ABAT: variants seen among roughly 807,000 people sequenced by gnomAD.
The protein encoded by ABAT is 4-aminobutyrate aminotransferase, mitochondrial.
Under a neutral mutation model 64.6 loss-of-function variants are expected in ABAT, and 45 were observed. That is an observed-to-expected ratio of 0.70 (90% confidence interval 0.55 to 0.89). ABAT has a LOEUF of 0.89. ABAT is among the 40% of genes least tolerant of loss of function. The pLI is 0.00. For synonymous variants in ABAT, 297 were observed against 250.5 expected, an observed-to-expected ratio of 1.19 and a Z score of -1.75; for missense variants, 633 against 658.4, an observed-to-expected ratio of 0.96 and a Z score of 0.42.
chr16:8,680,384 T>G (rs1567267953), intron 1 of ABAT, among the ~76,000 whole-genome samples: 1 of 152,198 alleles, frequency 6.6e-6, no homozygotes, highest in Non-Finnish European at 1.5e-5. Flanking sequence ...TGGGGTAAAA[T>G]ACACATAACA....
intron 2 of ABAT, among the ~76,000 whole-genome samples, chr16:8,738,610 G>GTTTTTTTTTTT (rs1481834240): frequency 1.6e-5 from 2 of 122,052 alleles, no homozygotes; most frequent in African/African-American, 7.3e-5. Flanking sequence ...TTTTGTTTTT[G>GTTTTTTTTTTT]TTTTTGTTTT....
At position 8,680,201 on chromosome 16, in the gene ABAT, A is replaced by G. The variant is rs531791404; in HGVS notation, c.-42+5490A>G. ...TCTTCCTGGGTCCATCACATCCTAGATTTCTTGGGTCCATCACTGTTTGCT... is the reference window on the plus strand; with the variant it reads ...TCTTCCTGGGTCCATCACATCCTAGGTTTCTTGGGTCCATCACTGTTTGCT... On this transcript the variant is annotated intron_variant, in intron 1 of 15. Transcript: ENST00000268251. Among the ~76,000 whole-genome samples the G allele has an allele frequency of 4.0e-5, 6 of 151,854 alleles. No homozygotes were observed. In the East Asian group the frequency reaches 1.2e-3, roughly 29 times the overall value.
chr16:8,768,362 T>C, intron 10 of ABAT, 106 bp downstream of exon 10: 2 of 1,020,258 alleles, frequency 2.0e-6, no homozygotes, highest in Non-Finnish European at 2.8e-6. Context: ...GTCCCACTGA[T>C]TGCACACAAT....
chr16:8,698,630 G>A (rs142146957), intron 1 of ABAT, among the ~76,000 whole-genome samples: 3,305 of 151,698 alleles, frequency 0.022, 111 homozygotes, highest in African/African-American at 0.076. Context: ...CACTGCGCCC[G>A]GCCTTCTGGC....
At chr16:8,768,545 C>G (rs757286059) in intron 10 of ABAT, among the ~76,000 whole-genome samples, 11 of 152,178 alleles carry the variant, frequency 7.2e-5, no homozygotes, top group South Asian at 2.1e-4. Flanking sequence ...CACATACCCA[C>G]GCACGCATGC....
chr16:8,775,482 G>A (rs923051850), intron 13 of ABAT, among the ~76,000 whole-genome samples: 12 of 152,158 alleles, frequency 7.9e-5, no homozygotes, highest in African/African-American at 2.9e-4. Flanking sequence ...CACACAGCCT[G>A]TTAAGTGACA....
rs1347561687 is a variant in ABAT at position 8,764,996 on chromosome 16, C to T, written c.540+166C>T. ...TGCTGGATGGTACTTTGAGACGGCA[C>T]AGTGGGGTATGGTGCAGAGGGCTGA... is the stretch of plus-strand genomic sequence containing the variant. On this transcript the variant is annotated intron_variant, in intron 8 of 15. Coordinates refer to ENST00000268251, the MANE Select transcript of ABAT (RefSeq NM_020686.6). The surrounding 1 kb of genome is among the most constrained non-coding windows in gnomAD (Gnocchi z 4.2). Among the ~76,000 whole-genome samples, 1 of 152,040 alleles carries T rather than the reference C, an allele frequency of 6.6e-6. No homozygotes were observed. The highest frequency in any genetic ancestry group is 1.5e-5 in the Non-Finnish European group (1 of 68,024).
At chr16:8,755,837 C>G (rs950521319) in intron 5 of ABAT, among the ~76,000 whole-genome samples, 5 of 152,194 alleles carry the variant, frequency 3.3e-5, no homozygotes, top group Admixed American at 2.0e-4. Flanking sequence ...ATCACGAGGT[C>G]AGCAGATTGA....
Position 8,768,841 on chromosome 16 carries a change from G to A in ABAT, c.684G>A (p.Thr228=), listed in dbSNP as rs148143485. The A allele has an allele frequency of 1.4e-3, 2,209 of 1,614,148 alleles. 36 individuals are homozygous for A. In the South Asian group the frequency reaches 0.02, roughly 15 times the overall value. The change falls in exon 11 of 16, where the codon ACG becomes ACA. Residue 228 remains threonine, a synonymous_variant. Transcript: ENST00000268251. ...HGRTMGCLAT[T]HSKAIHKIDI... Reference sequence around the variant, plus strand: ...TGAACTCAGGTTGCTTAGCGACCACGCACTCTAAAGCCATTCACAAGATCG... The same window carrying A: ...TGAACTCAGGTTGCTTAGCGACCACACACTCTAAAGCCATTCACAAGATCG...
intron 11 of ABAT, among the ~76,000 whole-genome samples, chr16:8,771,870 TC>T (rs1179099035): frequency 6.6e-6 from 1 of 151,360 alleles, no homozygotes; most frequent in Non-Finnish European, 1.5e-5. Flanking sequence ...GTTCAAGGGG[TC>T]CTCCCACCTC....
rs1198067237 is a variant in ABAT, at chr16:8,781,465, T to A, written c.*35T>A. Reference sequence around the variant, plus strand: ...TTCCACTACAGTGAGAAAGCCCGGATCCCAACAGTTGTCAAATTGATTAGT... The same window carrying A: ...TTCCACTACAGTGAGAAAGCCCGGAACCCAACAGTTGTCAAATTGATTAGT... On this transcript the variant is annotated 3_prime_UTR_variant, in exon 16 of 16. Transcript: ENST00000268251. This position sits in a 1 kb window ranked among gnomAD's most constrained non-coding sequence, Gnocchi z 4.5. The A allele has an allele frequency of 2.4e-5, 39 of 1,613,390 alleles. No individual in the cohort carries two copies. Among genetic ancestry groups the A allele is most frequent in the Non-Finnish European group, 3.3e-5 (39 of 1,179,594 alleles).
In ABAT at chr16:8,779,488, C is replaced by T. The variant is rs2060369068; in HGVS notation, c.1279C>T (p.Pro427Ser). 1.2e-6 allele frequency: 2 copies of T among 1,614,064 alleles called. No homozygotes were observed. The highest frequency in any genetic ancestry group is 4.5e-5 in the East Asian group (2 of 44,882). ...TGLLDLQARY[P>S]QFISRVRGRG... is the part of the protein sequence containing the mutation. ...TCTCCTCCCACTACAGGCCCGGTAC[C>T]CCCAGTTCATCAGCAGGGTGAGAGG... The change falls in exon 15 of 16, where the codon CCC (proline) becomes TCC (serine). Residue 427 changes from proline to serine, a missense_variant. Coordinates refer to ENST00000268251, the MANE Select transcript of ABAT (RefSeq NM_020686.6).
intron 3 of ABAT, among the ~76,000 whole-genome samples, chr16:8,746,883 G>A (rs1009427214): frequency 6.6e-6 from 1 of 152,074 alleles, no homozygotes; most frequent in Non-Finnish European, 1.5e-5. Flanking sequence ...CAGCTCTGTT[G>A]AGCAGACAGC....
At chr16:8,759,561 A>T (rs1038624633) in intron 6 of ABAT, among the ~76,000 whole-genome samples, 3 of 152,042 alleles carry the variant, frequency 2.0e-5, no homozygotes, top group East Asian at 3.9e-4. Context: ...TGCCCAGGCT[A>T]GAGTGCAGGG....
At chr16:8,760,603 G>A (rs1176161826) in intron 6 of ABAT, among the ~76,000 whole-genome samples, 4 of 152,224 alleles carry the variant, frequency 2.6e-5, no homozygotes, top group South Asian at 2.1e-4. Context: ...CACTGAGGCC[G>A]GAGGCTCCCG....
chr16:8,701,183 C>T (rs1388102927), intron 1 of ABAT, among the ~76,000 whole-genome samples: 1 of 152,204 alleles, frequency 6.6e-6, no homozygotes, highest in African/African-American at 2.4e-5. Flanking sequence ...AGTGATCTAC[C>T]TGGGCCTCCC....
chr16:8,746,739 G>A (rs1168855664), intron 3 of ABAT, among the ~76,000 whole-genome samples: 4 of 151,798 alleles, frequency 2.6e-5, no homozygotes, highest in Non-Finnish European at 4.4e-5. Flanking sequence ...AGAAGCCAAC[G>A]AGGGCATCAC....
intron 1 of ABAT, among the ~76,000 whole-genome samples, chr16:8,709,981 T>C (rs1236444120): frequency 1.3e-5 from 2 of 152,010 alleles, no homozygotes; most frequent in Non-Finnish European, 2.9e-5. Flanking sequence ...TTTTTGTATG[T>C]TTGTATTTTT....
intron 5 of ABAT, among the ~76,000 whole-genome samples, chr16:8,756,054 A>G (rs1260478035): frequency 6.6e-6 from 1 of 151,910 alleles, no homozygotes; most frequent in African/African-American, 2.4e-5. Context: ...CTCTCAAAAA[A>G]AAAACAAAAT....
Sources: gnomAD v4.1 joint callset for allele counts (sites outside exome capture counted in the v4.1 genomes callset) on GRCh38, gnomAD v4.1.1 for gene constraint, Gnocchi (gnomAD v3.1) non-coding constraint, MANE v1.5 for transcripts, NCBI Gene and HGNC (gene_info 2026-07-23, HGNC 2026-07-21) for gene names.